Variants in KIF1B observed in about 807,000 individuals in gnomAD.
KIF1B encodes kinesin-like protein KIF1B.
Under a neutral mutation model 241.9 loss-of-function variants are expected in KIF1B, and 76 were observed. The ratio of observed to expected loss-of-function variants is 0.31; its 90% CI spans 0.26 to 0.38. The LOEUF (loss-of-function observed/expected upper bound fraction) is 0.38. Ranked by LOEUF, KIF1B falls within the 10% of genes least tolerant of loss-of-function variation. The probability of loss-of-function intolerance (pLI) is 1.00; values close to 1 mark genes in which losing one functional copy is unlikely to be tolerated. For missense variants in KIF1B, 1,622 were observed against 2,271.4 expected, an observed-to-expected ratio of 0.71 and a Z score of 5.81; for synonymous variants, 750 against 796.7, an observed-to-expected ratio of 0.94 and a Z score of 0.99.
At chr1:10,370,590 TAATAA>T (rs1388937598) in intron 44 of KIF1B, among the ~76,000 whole-genome samples, 1 of 139,918 alleles carries the variant, frequency 7.1e-6, no homozygotes, top group Non-Finnish European at 1.5e-5. Context: ...ATAATAATAA[TAATAA>T]GAAGAAGAAG....
In KIF1B at chr1:10,337,271, G is replaced by A. The variant is rs1200406471; in HGVS notation, c.3259+68G>A. ...AAGGGAAAATATTGACCATTATCAA[G>A]GGACATAGTGGCCTTCATCAACTAG... is the stretch of plus-strand genomic sequence containing the variant. On this transcript the variant is annotated intron_variant, in intron 30 of 48. Coordinates refer to ENST00000676179, the MANE Select transcript of KIF1B (RefSeq NM_001365951.3). This position sits in a 1 kb window ranked among gnomAD's most constrained non-coding sequence, Gnocchi z 4.0. 1.2e-6 allele frequency: 2 copies of A among 1,612,122 alleles called. No individual in the cohort carries two copies. Among genetic ancestry groups the A allele is most frequent in the Non-Finnish European group, 1.7e-6 (2 of 1,178,408 alleles).
intron 22 of KIF1B, among the ~76,000 whole-genome samples, chr1:10,318,618 C>T (rs1286390485): frequency 6.6e-6 from 1 of 152,044 alleles, no homozygotes; most frequent in Admixed American, 6.5e-5. Context: ...ACTGAGGAAG[C>T]TGAGGCAGGA....
At chr1:10,317,673 T>C (rs1249433419) in intron 22 of KIF1B, among the ~76,000 whole-genome samples, 2 of 151,036 alleles carry the variant, frequency 1.3e-5, no homozygotes, top group African/African-American at 4.9e-5. Flanking sequence ...CTACTAAAAA[T>C]ACAAAAAATT....
chr1:10,299,241 G>GA (rs5772407), intron 22 of KIF1B, among the ~76,000 whole-genome samples: 48,352 of 151,782 alleles, frequency 0.32, 7,814 homozygotes, highest in Admixed American at 0.36. Context: ...AAGAGAAAGT[G>GA]AATGTCTAAG....
At chr1:10,289,600 A>G (rs1413319749) in intron 15 of KIF1B, among the ~76,000 whole-genome samples, 1 of 152,172 alleles carries the variant, frequency 6.6e-6, no homozygotes, top group Non-Finnish European at 1.5e-5. Context: ...GGATTATATC[A>G]TGGCGGGGCA....
chr1:10,271,818 A>T (rs914864999), intron 8 of KIF1B, among the ~76,000 whole-genome samples: 1 of 152,206 alleles, frequency 6.6e-6, no homozygotes, highest in African/African-American at 2.4e-5. Flanking sequence ...CAATGGAAGG[A>T]TAAGTTATCT....
At chr1:10,301,928 G>A (rs1480613812) in intron 22 of KIF1B, among the ~76,000 whole-genome samples, 1 of 152,182 alleles carries the variant, frequency 6.6e-6, no homozygotes, top group African/African-American at 2.4e-5. Context: ...GCTGTTTTAG[G>A]GCTAAGTAAG....
chr1:10,233,183 G>A (rs1365101763), intron 2 of KIF1B, among the ~76,000 whole-genome samples: 1 of 152,126 alleles, frequency 6.6e-6, no homozygotes, highest in Non-Finnish European at 1.5e-5. Flanking sequence ...GTCTACTGGT[G>A]GAAATGTTTG....
At chr1:10,249,507 T>C (rs1647323255) in intron 2 of KIF1B, among the ~76,000 whole-genome samples, 1 of 152,206 alleles carries the variant, frequency 6.6e-6, no homozygotes, top group Admixed American at 6.5e-5. Context: ...CCATAAGACA[T>C]GGTCCAAGCA....
chr1:10,375,280 C>G lies in KIF1B; in HGVS notation c.5315C>G (p.Thr1772Arg). The G allele has an allele frequency of 6.2e-7, 1 of 1,614,086 alleles. No individual in the cohort carries two copies. The highest frequency in any genetic ancestry group is 8.5e-7 in the Non-Finnish European group (1 of 1,179,938). Residue 1772 changes from threonine to arginine, a missense_variant, in exon 48 of 49, where the codon ACA becomes AGA. Physicochemically the swap from Thr to Arg is moderately conservative, Grantham distance 71. This residue lies in a region of KIF1B where 357 missense variants were observed against 409.0 expected (regional missense o/e 0.87). Coordinates refer to ENST00000676179, the MANE Select transcript of KIF1B (RefSeq NM_001365951.3). Reference protein sequence around the residue: ...VKTPNTFAVCTKHRGVLLQAL... With the variant: ...VKTPNTFAVCRKHRGVLLQAL... ...ACACCAAACACCTTTGCTGTCTGCA[C>G]AAAGCACCGTGGGGTCCTTTTGCAG... is the stretch of plus-strand genomic sequence containing the variant.
In KIF1B at chr1:10,306,342, A is replaced by T. The variant is rs116705307; in HGVS notation, c.2115+9096A>T. On this transcript the variant is annotated intron_variant, in intron 22 of 48. Coordinates refer to ENST00000676179, the MANE Select transcript of KIF1B (RefSeq NM_001365951.3). The stretch of plus-strand genomic sequence containing the variant: ...TGAATGTACTTGATAGGCTGCTTCA[A>T]ATCAGTCACTTCAATGCATTTTGTG... 1.9e-3 allele frequency: 1,990 copies of T among 1,047,764 alleles called. 26 individuals are homozygous for T. In the African/African-American group the frequency reaches 0.03, roughly 16 times the overall value. 64.9% of individuals were successfully genotyped at this position (1,047,764 alleles called of 1,614,324 possible). A position where few individuals can be genotyped will look rare whatever the true frequency, so the allele number is the denominator to read the frequency against.
chr1:10,253,422 C>T (rs551107224), intron 2 of KIF1B, among the ~76,000 whole-genome samples: 2 of 152,208 alleles, frequency 1.3e-5, no homozygotes, highest in South Asian at 4.1e-4. Flanking sequence ...ATGAGGATGG[C>T]TTGAGCCCAG....
chr1:10,306,780 A>C, intron 22 of KIF1B: 10 of 1,007,468 alleles, frequency 9.9e-6, no homozygotes, highest in Non-Finnish European at 1.2e-5. Flanking sequence ...AAAAAAAAAA[A>C]AAAAGGTAAT....
At chr1:10,309,725 G>A (rs544497481) in intron 22 of KIF1B, among the ~76,000 whole-genome samples, 1 of 151,372 alleles carries the variant, frequency 6.6e-6, no homozygotes, top group Non-Finnish European at 1.5e-5. Context: ...TGTCCACATA[G>A]CAACCAAGAT....
At chr1:10,287,602 AAAAAT>A in intron 15 of KIF1B, among the ~76,000 whole-genome samples, 1 of 152,364 alleles carries the variant, frequency 6.6e-6, no homozygotes, top group South Asian at 2.1e-4. Context: ...AAACTGTAAT[AAAAAT>A]AAAAGTTGTA....
At chr1:10,257,217 C>T (rs1647842114) in intron 3 of KIF1B, among the ~76,000 whole-genome samples, 1 of 149,498 alleles carries the variant, frequency 6.7e-6, no homozygotes, top group African/African-American at 2.5e-5. Flanking sequence ...AGTGAGCCAC[C>T]GTGCCTGGCC....
Position 10,324,850 on chromosome 1 carries a change from G to T in KIF1B, c.2630G>T (p.Ser877Ile). The stretch of plus-strand genomic sequence containing the variant: ...GAAAGCGAAACCACTGTGACTGGCA[G>T]CGATCCCTTCTATGATCGGTTCCAC... Reference protein sequence around the residue: ...QDESETTVTGSDPFYDRFHWF... With the variant: ...QDESETTVTGIDPFYDRFHWF... The change falls in exon 26 of 49, where the codon AGC (serine) becomes ATC (isoleucine). Residue 877 changes from serine to isoleucine, a missense_variant. By Grantham distance (142) the Ser-to-Ile change is moderately radical (BLOSUM62 -2). This residue lies in a region of KIF1B where 803 missense variants were observed against 1,112.0 expected (regional missense o/e 0.72). Transcript: ENST00000676179. 6.2e-7 allele frequency: 1 copy of T among 1,614,160 alleles called. No individual in the cohort carries two copies. The highest frequency in any genetic ancestry group is 8.5e-7 in the Non-Finnish European group (1 of 1,180,036).
At chr1:10,292,193 C>A in intron 17 of KIF1B, 71 bp downstream of exon 17, 2 of 1,162,110 alleles carry the variant, frequency 1.7e-6, no homozygotes, top group South Asian at 1.2e-5. Context: ...TGGGGCACTT[C>A]ATGTCTTTCA....
chr1:10,279,690 T>C (rs1016216629), intron 14 of KIF1B, among the ~76,000 whole-genome samples: 1 of 920 alleles, frequency 1.1e-3, no homozygotes, highest in Non-Finnish European at 5.3e-3. Context: ...CGTTTTTTCC[T>C]TTTTTTTTTT....
Sources: gnomAD v4.1 joint callset for allele counts (sites outside exome capture counted in the v4.1 genomes callset) on GRCh38, gnomAD v4.1.1 for gene constraint, gnomAD v4.1.1 regional missense constraint, Gnocchi (gnomAD v3.1) non-coding constraint, MANE v1.5 for transcripts, NCBI Gene and HGNC (gene_info 2026-07-23, HGNC 2026-07-21) for gene names.